Variants in ARHGAP42 observed in about 807,000 individuals in gnomAD.
ARHGAP42 encodes the protein rho GTPase-activating protein 42.
In ARHGAP42, 63 loss-of-function variants were observed where a neutral mutation model predicts 125.0. That is an observed-to-expected ratio of 0.50 (90% CI 0.41 to 0.62). The LOEUF is 0.62. ARHGAP42 is among the 20% of genes least tolerant of loss of function. The pLI is 0.00. For synonymous variants in ARHGAP42, 339 were observed against 351.0 expected (o/e 0.97, Z 0.38); for missense variants, 766 against 1,024.2 (o/e 0.75, Z 3.44).
At chr11:100,974,667 A>G (rs921567351) in intron 19 of ARHGAP42, 64 bp downstream of exon 19, 31 of 1,433,430 alleles carry the variant, frequency 2.2e-5, no homozygotes, top group African/African-American at 2.8e-5. Context: ...ATTTCACTGT[A>G]TTGGTAATTA....
At chr11:100,810,634 G>A (rs928444930) in intron 3 of ARHGAP42, among the ~76,000 whole-genome samples, 2 of 152,110 alleles carry the variant, frequency 1.3e-5, no homozygotes, top group Non-Finnish European at 2.9e-5. Flanking sequence ...TCTATTGAGG[G>A]AAAATAAAAT....
At chr11:100,903,906 A>G (rs1006455815) in intron 4 of ARHGAP42, among the ~76,000 whole-genome samples, 9 of 151,678 alleles carry the variant, frequency 5.9e-5, no homozygotes, top group African/African-American at 1.7e-4. Context: ...AGCATCCAGC[A>G]TGGGAGAAAG....
chr11:100,697,500 TATG>T (rs1861307045), intron 1 of ARHGAP42, among the ~76,000 whole-genome samples: 2 of 152,206 alleles, frequency 1.3e-5, no homozygotes, highest in South Asian at 2.1e-4. Flanking sequence ...GTGGAATTTC[TATG>T]ATATTTCCTC....
At chr11:100,804,638 G>A (rs576974623) in intron 3 of ARHGAP42, among the ~76,000 whole-genome samples, 145 of 151,116 alleles carry the variant, frequency 9.6e-4, no homozygotes, top group Non-Finnish European at 1.7e-3. Context: ...TCAGCCTCCC[G>A]AGTAGCTGGG....
intron 1 of ARHGAP42, among the ~76,000 whole-genome samples, chr11:100,733,852 G>T (rs1184350888): frequency 1.3e-5 from 1 of 77,830 alleles, no homozygotes; most frequent in Admixed American, 1.3e-4. Flanking sequence ...AAAAAAAAAA[G>T]CACTCCATTT....
At chr11:100,858,510 A>G (rs1327955458) in intron 3 of ARHGAP42, among the ~76,000 whole-genome samples, 1 of 152,114 alleles carries the variant, frequency 6.6e-6, no homozygotes, top group East Asian at 1.9e-4. Flanking sequence ...TATGGACTTT[A>G]AGAAATTAAA....
intron 16 of ARHGAP42, 146 bp downstream of exon 16, chr11:100,962,613 A>C: frequency 2.8e-6 from 2 of 713,908 alleles, no homozygotes; most frequent in South Asian, 2.1e-5. Flanking sequence ...GCGGTGGCTC[A>C]AACCTGTAAT....
chr11:100,970,058 G>A (rs150260979), intron 17 of ARHGAP42, among the ~76,000 whole-genome samples: 14,074 of 151,632 alleles, frequency 0.093, 939 homozygotes, highest in Non-Finnish European at 0.13. Context: ...GTACAATCTC[G>A]GCTCACTGCA....
chr11:100,875,297 G>A (rs1229602003), intron 4 of ARHGAP42, among the ~76,000 whole-genome samples: 3 of 151,984 alleles, frequency 2.0e-5, no homozygotes, highest in African/African-American at 7.3e-5. Context: ...GGAACGTACT[G>A]GAGTTAGTAA....
chr11:100,891,676 C>G lies in ARHGAP42; in HGVS notation c.385-21776C>G, dbSNP rs530642162. Among the ~76,000 whole-genome samples, 9 of 152,252 alleles carry G rather than the reference C, an allele frequency of 5.9e-5. No homozygotes were observed. In the East Asian group the frequency reaches 1.7e-3, roughly 29 times the overall value. ...CAAACTGGCCTCAAACTCCTGACCT[C>G]AGGTGATCCACCCACCTTGGCCTCC... is the stretch of plus-strand genomic sequence containing the variant. On this transcript the variant is annotated intron_variant, in intron 4 of 23. Transcript: ENST00000298815.
intron 1 of ARHGAP42, among the ~76,000 whole-genome samples, chr11:100,734,006 C>T (rs1010482589): frequency 4.1e-5 from 6 of 145,924 alleles, no homozygotes; most frequent in African/African-American, 1.5e-4. Flanking sequence ...ACAATCTCGG[C>T]TCACTGCAAC....
chr11:100,982,338 G>T (rs1341314695), intron 22 of ARHGAP42, among the ~76,000 whole-genome samples: 1 of 152,136 alleles, frequency 6.6e-6, no homozygotes, highest in Non-Finnish European at 1.5e-5. Context: ...AAGATTCCAG[G>T]GTTTTGCCAT....
chr11:100,966,717 T>A (rs1001942602), intron 17 of ARHGAP42, among the ~76,000 whole-genome samples: 2 of 152,180 alleles, frequency 1.3e-5, no homozygotes, highest in South Asian at 4.1e-4. Context: ...ATTATAAATA[T>A]TATATCTATC....
At chr11:100,723,031 T>C (rs1018453281) in intron 1 of ARHGAP42, among the ~76,000 whole-genome samples, 1 of 152,236 alleles carries the variant, frequency 6.6e-6, no homozygotes, top group African/African-American at 2.4e-5. Context: ...TGTCGTGTTG[T>C]TCCAGCATCA....
intron 3 of ARHGAP42, among the ~76,000 whole-genome samples, chr11:100,825,311 A>T (rs1864488427): frequency 6.6e-6 from 1 of 152,144 alleles, no homozygotes; most frequent in South Asian, 2.1e-4. Flanking sequence ...TACTTCTGTA[A>T]CATTTTTTAT....
At chr11:100,956,709 A>C (rs1302573543) in intron 12 of ARHGAP42, among the ~76,000 whole-genome samples, 3 of 152,088 alleles carry the variant, frequency 2.0e-5, no homozygotes, top group Non-Finnish European at 2.9e-5. Context: ...TATTTATTGG[A>C]GTATAATGAG....
At chr11:100,859,864 T>C (rs555060491) in intron 4 of ARHGAP42, 72 of 317,146 alleles carry the variant, frequency 2.3e-4, no homozygotes, top group African/African-American at 1.3e-3. Context: ...CCAAAAATTA[T>C]AGGAAATTAA....
At chr11:100,723,814 A>G (rs1444062759) in intron 1 of ARHGAP42, among the ~76,000 whole-genome samples, 1 of 152,012 alleles carries the variant, frequency 6.6e-6, no homozygotes, top group Non-Finnish European at 1.5e-5. Context: ...GGTGAGAGGG[A>G]TATCATTGTC....
intron 4 of ARHGAP42, among the ~76,000 whole-genome samples, chr11:100,878,980 C>T (rs920565860): frequency 6.0e-5 from 3 of 50,416 alleles, no homozygotes; most frequent in Non-Finnish European, 1.0e-4. Flanking sequence ...GAGACATGAA[C>T]AATTTTTTTT....
Sources: gnomAD v4.1 joint callset for allele counts (sites outside exome capture counted in the v4.1 genomes callset) on GRCh38, gnomAD v4.1.1 for gene constraint, MANE v1.5 for transcripts, NCBI Gene and HGNC (gene_info 2026-07-23, HGNC 2026-07-21) for gene names.